The following CFAP61 variants were observed in gnomAD, a reference collection of about 807,000 sequenced individuals.
CFAP61 encodes cilia and flagella associated protein 61, also known as cilia- and flagella-associated protein 61.
Under a neutral mutation model 135.6 loss-of-function variants are expected in CFAP61, and 107 were observed. The ratio of observed to expected loss-of-function variants is 0.79; its 90% CI spans 0.67 to 0.93. CFAP61 has a LOEUF of 0.93. CFAP61 is among the 40% of genes least tolerant of loss of function. The probability of loss-of-function intolerance (pLI) is 0.00; values close to 1 mark genes in which losing one functional copy is unlikely to be tolerated. For synonymous variants in CFAP61, 575 were observed against 578.5 expected (o/e 0.99, Z 0.09); for missense variants, 1,507 against 1,556.2 (o/e 0.97, Z 0.53).
At chr20:20,151,302 C>T (rs892648600) in intron 9 of CFAP61, among the ~76,000 whole-genome samples, 1 of 151,080 alleles carries the variant, frequency 6.6e-6, no homozygotes, top group Non-Finnish European at 1.5e-5. Flanking sequence ...GAAGAAAGAA[C>T]TTCAGAGCTT....
chr20:20,269,142 T>TACACACAC (rs1399422052), intron 21 of CFAP61, among the ~76,000 whole-genome samples: 1 of 85,674 alleles, frequency 1.2e-5, no homozygotes, highest in African/African-American at 3.7e-5. Context: ...TATATATATA[T>TACACACAC]ATATACACAC....
chr20:20,121,243 C>T (rs765859759), intron 8 of CFAP61, among the ~76,000 whole-genome samples: 14 of 150,514 alleles, frequency 9.3e-5, no homozygotes, highest in Non-Finnish European at 1.3e-4. Flanking sequence ...GTAGCTGGGA[C>T]TACAGGCACA....
At chr20:20,315,154 C>A (rs1436908722) in intron 25 of CFAP61, among the ~76,000 whole-genome samples, 1 of 151,668 alleles carries the variant, frequency 6.6e-6, no homozygotes, top group Non-Finnish European at 1.5e-5. Context: ...GTCCCACCAA[C>A]AGTGTAAAAG....
chr20:20,166,015 A>G (rs549476309), intron 11 of CFAP61, among the ~76,000 whole-genome samples: 4 of 152,336 alleles, frequency 2.6e-5, no homozygotes, highest in Admixed American at 2.6e-4. Flanking sequence ...ATGAATGTAC[A>G]TCTACAGCTA....
chr20:20,217,527 G>A (rs2048117695), intron 17 of CFAP61, among the ~76,000 whole-genome samples: 1 of 152,188 alleles, frequency 6.6e-6, no homozygotes, highest in Non-Finnish European at 1.5e-5. Flanking sequence ...TGTATCTGTG[G>A]AACAGCACTC....
intron 26 of CFAP61, among the ~76,000 whole-genome samples, chr20:20,345,379 A>G (rs2058590240): frequency 6.6e-6 from 1 of 152,224 alleles, no homozygotes. Flanking sequence ...CCATAAATAT[A>G]CACAACTATT....
At chr20:20,205,591 G>T (rs2056822248) in intron 17 of CFAP61, among the ~76,000 whole-genome samples, 1 of 152,194 alleles carries the variant, frequency 6.6e-6, no homozygotes, top group Admixed American at 6.5e-5. Context: ...ACCCACAGAC[G>T]ATTGCATTTC....
intron 6 of CFAP61, among the ~76,000 whole-genome samples, chr20:20,087,549 G>A (rs1190006886): frequency 6.6e-6 from 1 of 152,112 alleles, no homozygotes; most frequent in Non-Finnish European, 1.5e-5. Context: ...GATGGTGGAT[G>A]GAATGACAGA....
intron 8 of CFAP61, among the ~76,000 whole-genome samples, chr20:20,105,571 A>G (rs909205554): frequency 2.6e-5 from 4 of 152,174 alleles, no homozygotes; most frequent in Admixed American, 2.0e-4. Context: ...GGCTTTACTT[A>G]ATGTTCATAC....
intron 17 of CFAP61, among the ~76,000 whole-genome samples, chr20:20,222,544 A>G (rs750135141): frequency 1.3e-5 from 2 of 152,170 alleles, no homozygotes; most frequent in Non-Finnish European, 2.9e-5. Context: ...AGTACCCCCA[A>G]CCGAGAGGAA....
chr20:20,090,561 A>C (rs950257130), intron 6 of CFAP61, among the ~76,000 whole-genome samples: 4 of 151,780 alleles, frequency 2.6e-5, no homozygotes, highest in African/African-American at 9.7e-5. Flanking sequence ...GTGGTGGTGC[A>C]TGCCTATAGT....
chr20:20,092,873 C>T (rs2047305857), intron 7 of CFAP61, among the ~76,000 whole-genome samples: 1 of 152,154 alleles, frequency 6.6e-6, no homozygotes, highest in African/African-American at 2.4e-5. Context: ...AATTGGAAGC[C>T]TCATCCATTG....
At position 20,277,298 on chromosome 20, in the gene CFAP61, A is replaced by T. The variant is rs774778588; in HGVS notation, c.2636A>T (p.Asn879Ile). Residue 879 changes from asparagine to isoleucine, a missense_variant, in exon 22 of 27, where the codon AAC becomes ATC. By Grantham distance (149) the Asn-to-Ile change is moderately radical. Transcript: ENST00000245957. Reference sequence around the variant, plus strand: ...GCCTCCACCATCACCTGCATCAACAACTACTCGGTGGAGAGCGCCGTGGCG... The same window carrying T: ...GCCTCCACCATCACCTGCATCAACATCTACTCGGTGGAGAGCGCCGTGGCG... ...PPASTITCIN[N>I]YSVESAVADA... 7 of 1,614,040 alleles carry T rather than the reference A, an allele frequency of 4.3e-6. No individual in the cohort carries two copies. In the South Asian group the frequency reaches 7.7e-5, roughly 18 times the overall value.
chr20:20,053,580 A>G (rs1433157246), intron 1 of CFAP61, among the ~76,000 whole-genome samples: 1 of 152,224 alleles, frequency 6.6e-6, no homozygotes, highest in African/African-American at 2.4e-5. Flanking sequence ...TGGGGAAAAT[A>G]TATATTTATG....
intron 25 of CFAP61, among the ~76,000 whole-genome samples, chr20:20,330,292 G>T (rs1006930248): frequency 6.6e-6 from 1 of 152,126 alleles, no homozygotes; most frequent in African/African-American, 2.4e-5. Flanking sequence ...AATTCAGTGT[G>T]TATTTTATAC....
intron 6 of CFAP61, chr20:20,085,124 C>T (rs2046701761): frequency 1.2e-5 from 12 of 985,462 alleles, no homozygotes; most frequent in Non-Finnish European, 1.4e-5. Context: ...AACTCCGCAT[C>T]TTCATCGCCA....
At chr20:20,125,907 AT>A (rs1392116260) in intron 8 of CFAP61, among the ~76,000 whole-genome samples, 2 of 151,770 alleles carry the variant, frequency 1.3e-5, no homozygotes, top group Non-Finnish European at 2.9e-5. Context: ...TGTTAAGTGC[AT>A]ATATGTTTAG....
At chr20:20,069,349 C>T (rs1357010755) in intron 2 of CFAP61, among the ~76,000 whole-genome samples, 2 of 152,094 alleles carry the variant, frequency 1.3e-5, no homozygotes, top group Admixed American at 6.5e-5. Context: ...GGTGCGATCT[C>T]GGCTCACTGC....
chr20:20,277,793 CA>C (rs2053886319), intron 22 of CFAP61, among the ~76,000 whole-genome samples: 1 of 151,664 alleles, frequency 6.6e-6, no homozygotes, highest in South Asian at 2.1e-4. Flanking sequence ...GGAATTGTCT[CA>C]AAAGCATAGT....
Sources: gnomAD v4.1 joint callset for allele counts (sites outside exome capture counted in the v4.1 genomes callset) on GRCh38, gnomAD v4.1.1 for gene constraint, MANE v1.5 for transcripts, NCBI Gene and HGNC (gene_info 2026-07-23, HGNC 2026-07-21) for gene names.